The following RAD51B variants were observed in gnomAD, a reference collection of about 807,000 sequenced individuals.
RAD51B encodes RAD51 paralog B, also known as DNA repair protein RAD51 homolog 2.
In RAD51B, 38 loss-of-function variants were observed where a neutral mutation model predicts 42.2. The observed-to-expected ratio is 0.90, with a 90% CI of 0.70 to 1.18. The LOEUF is 1.18. Among genes scored for constraint, RAD51B ranks in the 50% most tolerant of loss-of-function variants. The pLI is 0.00. For synonymous variants in RAD51B, 154 were observed against 145.2 expected (o/e 1.06, Z -0.43); for missense variants, 373 against 400.7 (o/e 0.93, Z 0.59).
chr14:68,630,097 T>C (rs911536309), intron 10 of RAD51B, among the ~76,000 whole-genome samples: 5 of 152,208 alleles, frequency 3.3e-5, no homozygotes, highest in Non-Finnish European at 1.5e-5. Context: ...GGAAAAAGGT[T>C]TTTGGTATTC....
At chr14:68,457,771 GTAT>G (rs1194995114) in intron 9 of RAD51B, among the ~76,000 whole-genome samples, 3 of 124,000 alleles carry the variant, frequency 2.4e-5, no homozygotes, top group Non-Finnish European at 5.4e-5. Context: ...GCTAATTTTT[GTAT>G]TTTTTTTTTT....
intron 8 of RAD51B, among the ~76,000 whole-genome samples, chr14:68,380,872 A>G (rs1486365069): frequency 2.0e-5 from 3 of 152,252 alleles, no homozygotes; most frequent in Admixed American, 1.3e-4. Context: ...CCTTCAGTTT[A>G]TAAGACTGAT....
intron 8 of RAD51B, among the ~76,000 whole-genome samples, chr14:68,409,328 A>G (rs1356154131): frequency 6.6e-6 from 1 of 152,222 alleles, no homozygotes; most frequent in East Asian, 1.9e-4. Context: ...GAATTTCAAG[A>G]GAAATGGTAA....
chr14:67,865,506 G>A (rs1019668364), intron 5 of RAD51B, among the ~76,000 whole-genome samples: 4 of 149,618 alleles, frequency 2.7e-5, no homozygotes, highest in African/African-American at 9.8e-5. Flanking sequence ...CAAAGTGCTG[G>A]GATTATAGGC....
At chr14:68,202,245 C>T (rs1487437781) in intron 7 of RAD51B, among the ~76,000 whole-genome samples, 1 of 152,092 alleles carries the variant, frequency 6.6e-6, no homozygotes, top group East Asian at 1.9e-4. Flanking sequence ...AGTGGCTGCT[C>T]TCTGATCACG....
At chr14:68,542,530 G>A (rs1275383877) in intron 10 of RAD51B, among the ~76,000 whole-genome samples, 1 of 152,138 alleles carries the variant, frequency 6.6e-6, no homozygotes, top group Non-Finnish European at 1.5e-5. Context: ...GAAAGCCCCA[G>A]GGGAGTGAGG....
intron 7 of RAD51B, among the ~76,000 whole-genome samples, chr14:68,001,614 G>C (rs1374395950): frequency 6.6e-6 from 1 of 152,126 alleles, no homozygotes; most frequent in Non-Finnish European, 1.5e-5. Flanking sequence ...TGTATGCCAT[G>C]GTGGTTTGCT....
chr14:67,844,959 A>G (rs915901377), intron 4 of RAD51B, among the ~76,000 whole-genome samples: 36 of 152,012 alleles, frequency 2.4e-4, no homozygotes, highest in African/African-American at 8.7e-4. Context: ...TGCTTGGTAG[A>G]TTTTTCTCTA....
intron 10 of RAD51B, among the ~76,000 whole-genome samples, chr14:68,492,195 A>G (rs116343687): frequency 0.012 from 1,773 of 152,210 alleles, 39 homozygotes; most frequent in African/African-American, 0.04. Flanking sequence ...CACCTTCTCT[A>G]TGAGACTGAC....
At chr14:68,301,399 G>T (rs1427178176) in intron 8 of RAD51B, among the ~76,000 whole-genome samples, 1 of 152,092 alleles carries the variant, frequency 6.6e-6, no homozygotes, top group Admixed American at 6.6e-5. Flanking sequence ...AACAACAGTC[G>T]ATAAGTGGCT....
chr14:67,923,821 T>C (rs2044413386), intron 7 of RAD51B, among the ~76,000 whole-genome samples: 2 of 152,246 alleles, frequency 1.3e-5, no homozygotes, highest in Admixed American at 1.3e-4. Flanking sequence ...CCATAGAGGT[T>C]GTACTAGTTT....
chr14:68,109,430 G>C (rs1303244803), intron 7 of RAD51B, among the ~76,000 whole-genome samples: 1 of 151,960 alleles, frequency 6.6e-6, no homozygotes, highest in Non-Finnish European at 1.5e-5. Context: ...TGAGATGTGT[G>C]AGTGTCCTAC....
chr14:68,545,594 G>A (rs981084628), intron 10 of RAD51B: 18 of 455,984 alleles, frequency 3.9e-5, no homozygotes, highest in Non-Finnish European at 7.9e-5. Context: ...AAAGGAAGGG[G>A]CCATTGTAAA....
intron 7 of RAD51B, among the ~76,000 whole-genome samples, chr14:68,164,120 T>A (rs1479443792): frequency 4.6e-5 from 7 of 152,210 alleles, no homozygotes; most frequent in South Asian, 4.1e-4. Context: ...ACAGGTCACT[T>A]GACTAAACAA....
At chr14:67,964,559 G>A (rs1208601189) in intron 7 of RAD51B, among the ~76,000 whole-genome samples, 1 of 152,116 alleles carries the variant, frequency 6.6e-6, no homozygotes, top group Non-Finnish European at 1.5e-5. Flanking sequence ...CAGAACAAAT[G>A]GTGCTTTCTT....
intron 5 of RAD51B, among the ~76,000 whole-genome samples, chr14:67,873,254 C>T (rs1400400926): frequency 6.7e-6 from 1 of 149,886 alleles, no homozygotes; most frequent in Non-Finnish European, 1.5e-5. Flanking sequence ...AAAAAACAAA[C>T]AACCCCATCA....
chr14:67,999,741 G>A (rs879868538), intron 7 of RAD51B, among the ~76,000 whole-genome samples: 7 of 152,236 alleles, frequency 4.6e-5, no homozygotes, highest in Admixed American at 2.0e-4. Context: ...TTTATTTCCC[G>A]TTAGAATACA....
chr14:68,635,582 A>G (rs1304417453), intron 10 of RAD51B, among the ~76,000 whole-genome samples: 1 of 151,844 alleles, frequency 6.6e-6, no homozygotes, highest in African/African-American at 2.4e-5. Flanking sequence ...ATTAATATAT[A>G]CTATATTTTA....
chr14:68,037,232 C>CA (rs2076148184), intron 7 of RAD51B, among the ~76,000 whole-genome samples: 1 of 132,456 alleles, frequency 7.5e-6, no homozygotes, highest in East Asian at 2.2e-4. Flanking sequence ...CTCTTCTTTT[C>CA]TTTTTTTCCT....
Sources: gnomAD v4.1 joint callset for allele counts (sites outside exome capture counted in the v4.1 genomes callset) on GRCh38, gnomAD v4.1.1 for gene constraint, MANE v1.5 for transcripts, NCBI Gene and HGNC (gene_info 2026-07-23, HGNC 2026-07-21) for gene names.